The following ATG7 variants were observed in gnomAD, a reference collection of about 807,000 sequenced individuals.
The protein encoded by ATG7 is autophagy related 7.
In ATG7, 70 loss-of-function variants were observed where a neutral mutation model predicts 82.4. That is an observed-to-expected ratio of 0.85 (90% CI 0.70 to 1.04). ATG7 has a LOEUF of 1.04. ATG7 is among the 50% of genes least tolerant of loss of function. The pLI is 0.00. For missense variants in ATG7, 792 were observed against 864.3 expected (o/e 0.92, Z 1.05); for synonymous variants, 287 against 313.0 (o/e 0.92, Z 0.88).
At chr3:11,409,282 T>A (rs1263662380) in intron 19 of ATG7, among the ~76,000 whole-genome samples, 1 of 152,222 alleles carries the variant, frequency 6.6e-6, no homozygotes, top group African/African-American at 2.4e-5. Context: ...AATTTTGATA[T>A]TTTCCCAGGC....
At chr3:11,520,504 A>G (rs2092412916) in intron 20 of ATG7, among the ~76,000 whole-genome samples, 1 of 152,206 alleles carries the variant, frequency 6.6e-6, no homozygotes, top group African/African-American at 2.4e-5. Context: ...CTGCCGTGCC[A>G]GGCACCATAC....
intron 20 of ATG7, among the ~76,000 whole-genome samples, chr3:11,468,860 G>T (rs1248659555): frequency 6.6e-6 from 1 of 152,206 alleles, no homozygotes; most frequent in Non-Finnish European, 1.5e-5. Context: ...TTGGAACCAT[G>T]ACCCTGAGTG....
chr3:11,492,320 C>G (rs1328344231), intron 20 of ATG7, among the ~76,000 whole-genome samples: 2 of 152,226 alleles, frequency 1.3e-5, no homozygotes, highest in Non-Finnish European at 2.9e-5. Context: ...CCTGCTTCGG[C>G]TCGCACACGG....
intron 3 of ATG7, among the ~76,000 whole-genome samples, chr3:11,285,620 G>A (rs540425169): frequency 1.6e-4 from 25 of 152,090 alleles, no homozygotes; most frequent in African/African-American, 5.1e-4. Context: ...AGCCTTCCTC[G>A]TGGCCTTCTC....
At chr3:11,293,986 C>A (rs1165754029) in intron 3 of ATG7, among the ~76,000 whole-genome samples, 2 of 148,130 alleles carry the variant, frequency 1.4e-5, no homozygotes, top group Non-Finnish European at 3.0e-5. Flanking sequence ...CCATTGCACT[C>A]CAGCCTGGGC....
intron 20 of ATG7, among the ~76,000 whole-genome samples, chr3:11,452,287 A>T (rs1576509925): frequency 6.8e-6 from 1 of 146,636 alleles, no homozygotes; most frequent in East Asian, 2.2e-4. Flanking sequence ...TGGGAGGCTG[A>T]GGCAGGAGAA....
At chr3:11,456,665 C>G (rs988331198) in intron 20 of ATG7, among the ~76,000 whole-genome samples, 1 of 152,196 alleles carries the variant, frequency 6.6e-6, no homozygotes, top group Non-Finnish European at 1.5e-5. Context: ...TTATTTCTTT[C>G]TACTCCCCCC....
At chr3:11,290,708 GAGTTTCAC>G in intron 3 of ATG7, 1 of 210,742 alleles carries the variant, frequency 4.7e-6, no homozygotes, top group South Asian at 5.1e-5. Flanking sequence ...TTTTGAGATA[GAGTTTCAC>G]CCTTGTCGCC....
intron 20 of ATG7, among the ~76,000 whole-genome samples, chr3:11,517,226 A>G (rs2092307167): frequency 6.6e-6 from 1 of 152,134 alleles, no homozygotes; most frequent in Non-Finnish European, 1.5e-5. Context: ...CTGTAATCCC[A>G]GCTACTGGGG....
intron 6 of ATG7, 70 bp from the exon 7 acceptor site, chr3:11,308,914 C>A: frequency 7.1e-7 from 1 of 1,409,412 alleles, no homozygotes; most frequent in Non-Finnish European, 1.0e-6. Flanking sequence ...TTCAGCTCCA[C>A]ACTTCACCTG....
chr3:11,294,309 C>T (rs1312999593), intron 3 of ATG7, among the ~76,000 whole-genome samples: 1 of 151,980 alleles, frequency 6.6e-6, no homozygotes, highest in African/African-American at 2.4e-5. Flanking sequence ...CAACCTCCGC[C>T]TCCCAGGTTC....
chr3:11,493,373 G>C (rs570345514), intron 20 of ATG7, among the ~76,000 whole-genome samples: 7 of 152,318 alleles, frequency 4.6e-5, no homozygotes, highest in Admixed American at 1.3e-4. Context: ...ACACAGGATG[G>C]GGGGACAGGG....
At chr3:11,354,995 C>T (rs1000333625) in intron 14 of ATG7, among the ~76,000 whole-genome samples, 1 of 152,216 alleles carries the variant, frequency 6.6e-6, no homozygotes, top group Non-Finnish European at 1.5e-5. Flanking sequence ...GCTGAGGAAA[C>T]AACCAGAATT....
rs147949493 is a variant in ATG7 at position 11,320,001 on chromosome 3, C to A, written c.678+4508C>A. Among the ~76,000 whole-genome samples the A allele has an allele frequency of 6.3e-3, 965 of 152,288 alleles. 13 individuals are homozygous for A. The highest frequency in any genetic ancestry group is 0.022 in the African/African-American group (919 of 41,550). Reference sequence around the variant, plus strand: ...ACACCTGAATGTCTTCTTCCCTGTGCTCTAAGAGTAGGGGCTAAATTCTTT... The same window carrying A: ...ACACCTGAATGTCTTCTTCCCTGTGATCTAAGAGTAGGGGCTAAATTCTTT... On this transcript the variant is annotated intron_variant, in intron 9 of 20. Coordinates refer to ENST00000693202, the MANE Select transcript of ATG7 (RefSeq NM_001349232.2).
At chr3:11,294,461 C>T (rs944905324) in intron 3 of ATG7, among the ~76,000 whole-genome samples, 9 of 151,934 alleles carry the variant, frequency 5.9e-5, no homozygotes, top group Non-Finnish European at 7.4e-5. Flanking sequence ...TAACCTCAGG[C>T]GATCCCCCGC....
At position 11,395,965 on chromosome 3, in the gene ATG7, A is replaced by AAAG. The variant is rs1435086133; in HGVS notation, c.1956+15913_1956+15914insAAG. Reference sequence around the variant, plus strand: ...AAAAAAAAAAAAAAAAAAAAAAAAAAGGTAGGGGGGGAAGAGTAAAAGTGA... The same window carrying AAAG: ...AAAAAAAAAAAAAAAAAAAAAAAAAAAAGGGTAGGGGGGGAAGAGTAAAAGTGA... On this transcript the variant is annotated intron_variant, in intron 19 of 20. Coordinates refer to ENST00000693202, the MANE Select transcript of ATG7 (RefSeq NM_001349232.2). 1.5e-4 allele frequency among the ~76,000 whole-genome samples: 12 copies of AAAG among 78,098 alleles called. 1 individual carries two copies. Among genetic ancestry groups the AAAG allele is most frequent in the South Asian group, 5.7e-4 (1 of 1,752 alleles). The allele number at this position is 78,098 out of a possible 152,430, so 51.2% of individuals were successfully genotyped here. A position where few individuals can be genotyped will look rare whatever the true frequency, so the allele number is the denominator to read the frequency against.
the ATG7 span, among the ~76,000 whole-genome samples, chr3:11,571,415 G>C: frequency 7.9e-5 from 12 of 152,352 alleles, 1 homozygote; most frequent in East Asian, 1.5e-3. Flanking sequence ...CAGGTGCAGT[G>C]ACTCACGCCT....
chr3:11,439,833 T>C (rs1379129962), intron 20 of ATG7, among the ~76,000 whole-genome samples: 2 of 152,242 alleles, frequency 1.3e-5, no homozygotes, highest in Non-Finnish European at 2.9e-5. Flanking sequence ...GTATAGCAAC[T>C]AATGTTAATT....
At chr3:11,560,536 G>C (rs527790377), downstream of ATG7, among the ~76,000 whole-genome samples, 22 of 152,314 alleles carry the variant, frequency 1.4e-4, no homozygotes, top group African/African-American at 5.3e-4. Context: ...AGACACAAAA[G>C]GCTTGCATGC....
Sources: allele counts gnomAD v4.1 joint callset (sites outside exome capture counted in the v4.1 genomes callset), GRCh38; gene constraint gnomAD v4.1.1; transcripts MANE v1.5; gene names NCBI Gene and HGNC (gene_info 2026-07-23, HGNC 2026-07-21).